Variants in HMGXB4 observed in about 807,000 individuals in gnomAD.
HMGXB4 encodes HMG-box containing 4, also known as HMG domain-containing protein 4.
Under a neutral mutation model 63.9 loss-of-function variants are expected in HMGXB4, and 27 were observed. The observed-to-expected ratio is 0.42, with a 90% confidence interval of 0.31 to 0.58. The LOEUF is 0.58. Ranked by LOEUF, HMGXB4 falls within the 20% of genes least tolerant of loss-of-function variation. The pLI is 0.13. For missense variants in HMGXB4, 624 were observed against 700.7 expected, an observed-to-expected ratio of 0.89 and a Z score of 1.24; for synonymous variants, 264 against 265.3, an observed-to-expected ratio of 0.99 and a Z score of 0.05.
intron 9 of HMGXB4, among the ~76,000 whole-genome samples, chr22:35,290,501 T>C (rs1013724154): frequency 6.6e-6 from 1 of 151,790 alleles, no homozygotes; most frequent in Admixed American, 6.6e-5. Flanking sequence ...AAAAATTAGC[T>C]GGGCGTGGTG....
In HMGXB4 at chr22:35,294,721, ATAATT is replaced by A. The variant is rs1925158002; in HGVS notation, c.*1075_*1079del. ...ATTTATCCTGTAAATTTCTGTATAT[ATAATT>A]TAATAACAGAAGCCTCCACCAGCAA... On this transcript the variant is annotated 3_prime_UTR_variant, in exon 11 of 11. Coordinates refer to ENST00000216106, the MANE Select transcript of HMGXB4 (RefSeq NM_001003681.3). 1 of 152,208 alleles carries A rather than the reference ATAATT, an allele frequency of 6.6e-6. No individual in the cohort carries two copies. The highest frequency in any genetic ancestry group is 2.4e-5 in the African/African-American group (1 of 41,436). The allele number at this position is 152,208 out of a possible 1,614,324, so 9.4% of individuals were successfully genotyped here. A position where few individuals can be genotyped will look rare whatever the true frequency, so the allele number is the denominator to read the frequency against.
intron 5 of HMGXB4, among the ~76,000 whole-genome samples, chr22:35,275,970 T>C (rs1923893167): frequency 6.6e-6 from 1 of 152,226 alleles, no homozygotes; most frequent in Admixed American, 6.5e-5. Context: ...ATCCTGTATG[T>C]TTTCTTTCAT....
At chr22:35,247,979 GA>G in the HMGXB4 span, among the ~76,000 whole-genome samples, 1 of 152,044 alleles carries the variant, frequency 6.6e-6, no homozygotes, top group Non-Finnish European at 1.5e-5. Flanking sequence ...ACCTAGATGG[GA>G]TAGCCTATCA....
intron 6 of HMGXB4, among the ~76,000 whole-genome samples, chr22:35,285,768 G>GGA (rs1924535347): frequency 6.6e-6 from 1 of 152,084 alleles, no homozygotes; most frequent in African/African-American, 2.4e-5. Context: ...AAATCCCTAG[G>GGA]GAGTAGATGG....
chr22:35,262,621 GA>G, intron 2 of HMGXB4, 200 bp downstream of exon 2: 1 of 602,420 alleles, frequency 1.7e-6, no homozygotes, highest in Non-Finnish European at 2.9e-6. Context: ...GTTCCAACAC[GA>G]GAGTCTGAAA....
Position 35,264,721 on chromosome 22 carries a change from C to G in HMGXB4, c.333C>G (p.Asp111Glu). The G allele has an allele frequency of 1.2e-6, 2 of 1,613,590 alleles. No homozygotes were observed. The highest frequency in any genetic ancestry group is 2.2e-5 in the East Asian group (1 of 44,882). ...CACAGTCTACTGATACAGCTATGGA[C>G]CTGTTGAAAGCTATCACTTCCCCAC... ...SSPQSTDTAM[D>E]LLKAITSPLA... The change falls in exon 5 of 11, where the codon GAC becomes GAG. Residue 111 changes from aspartate to glutamate, a missense_variant. By Grantham distance (45) the Asp-to-Glu change is conservative. Coordinates refer to ENST00000216106, the MANE Select transcript of HMGXB4 (RefSeq NM_001003681.3).
intron 5 of HMGXB4, among the ~76,000 whole-genome samples, chr22:35,272,387 T>A (rs1024661685): frequency 2.6e-5 from 4 of 152,178 alleles, no homozygotes; most frequent in African/African-American, 7.2e-5. Flanking sequence ...ATTACACTAT[T>A]TCCTGGGTGA....
chr22:35,251,608 T>C, the HMGXB4 span, among the ~76,000 whole-genome samples: 4 of 152,214 alleles, frequency 2.6e-5, 1 homozygote. Context: ...AATGCAGTAA[T>C]AGATACATGT....
chr22:35,264,227 A>T, intron 4 of HMGXB4: 1 of 501,556 alleles, frequency 2.0e-6, no homozygotes. Flanking sequence ...ATCCACTCAC[A>T]GAACCAGTTT....
intron 5 of HMGXB4, among the ~76,000 whole-genome samples, chr22:35,269,068 A>G (rs1437669976): frequency 5.3e-5 from 8 of 152,224 alleles, no homozygotes; most frequent in Non-Finnish European, 1.2e-4. Flanking sequence ...CTATAAGGGA[A>G]GACTGATGCT....
At chr22:35,257,580 GGAGA>G (rs1922500346) in intron 1 of HMGXB4, 23 bp downstream of exon 1, 1 of 152,660 alleles carries the variant, frequency 6.6e-6, no homozygotes, top group Non-Finnish European at 1.5e-5. Context: ...GGAGACCCCA[GGAGA>G]CCGGGCTGGG....
chr22:35,247,864 T>C, the HMGXB4 span, among the ~76,000 whole-genome samples: 3 of 152,124 alleles, frequency 2.0e-5, no homozygotes, highest in Non-Finnish European at 2.9e-5. Context: ...GCAAAACAAG[T>C]TGTTAACAAA....
intron 5 of HMGXB4, among the ~76,000 whole-genome samples, chr22:35,275,197 A>G (rs546911760): frequency 7.3e-6 from 1 of 136,230 alleles, no homozygotes; most frequent in Non-Finnish European, 1.5e-5. Context: ...TCAGCTCACT[A>G]CAACCTCTGC....
chr22:35,259,479 C>G (rs1922699904), intron 1 of HMGXB4, among the ~76,000 whole-genome samples: 1 of 152,214 alleles, frequency 6.6e-6, no homozygotes, highest in African/African-American at 2.4e-5. Context: ...ACAATCTACT[C>G]TCTACCCCTG....
chr22:35,275,365 C>T (rs999443885), intron 5 of HMGXB4, among the ~76,000 whole-genome samples: 1 of 152,136 alleles, frequency 6.6e-6, no homozygotes, highest in African/African-American at 2.4e-5. Flanking sequence ...GGTGATCCAC[C>T]TGCCTCGGCC....
intron 5 of HMGXB4, among the ~76,000 whole-genome samples, chr22:35,282,061 A>G (rs1396947261): frequency 2.1e-4 from 32 of 152,236 alleles, no homozygotes; most frequent in Non-Finnish European, 1.5e-5. Flanking sequence ...AAAGCAAGAT[A>G]CAACTCTGAA....
intron 9 of HMGXB4, among the ~76,000 whole-genome samples, chr22:35,291,592 A>G (rs1601646125): frequency 1.3e-5 from 2 of 152,218 alleles, no homozygotes; most frequent in African/African-American, 4.8e-5. Flanking sequence ...AAATGGAACA[A>G]TATTACTAAT....
At chr22:35,245,879 T>C in the HMGXB4 span, among the ~76,000 whole-genome samples, 2 of 152,238 alleles carry the variant, frequency 1.3e-5, no homozygotes, top group African/African-American at 2.4e-5. Context: ...GCCTTGTTAT[T>C]GATCCCCACA....
intron 10 of HMGXB4, 130 bp downstream of exon 10, chr22:35,293,244 C>T (rs1925035984): frequency 9.7e-7 from 1 of 1,032,104 alleles, no homozygotes; most frequent in Admixed American, 2.0e-5. Flanking sequence ...GCCCATGGAA[C>T]ATGATGCTAT....
Sources: gnomAD v4.1 joint callset for allele counts (sites outside exome capture counted in the v4.1 genomes callset) on GRCh38, gnomAD v4.1.1 for gene constraint, MANE v1.5 for transcripts, NCBI Gene and HGNC (gene_info 2026-07-23, HGNC 2026-07-21) for gene names.